Variants in ACVR1B observed in about 807,000 individuals in gnomAD.
ACVR1B encodes activin receptor type-1B.
Under a neutral mutation model 55.6 loss-of-function variants are expected in ACVR1B, and 15 were observed. The observed-to-expected ratio is 0.27, with a 90% CI of 0.18 to 0.42. The LOEUF is 0.42. Ranked by LOEUF, ACVR1B falls within the 10% of genes least tolerant of loss-of-function variation. The pLI is 1.00. For synonymous variants in ACVR1B, 247 were observed against 254.6 expected (o/e 0.97, Z 0.28); for missense variants, 359 against 670.1 (o/e 0.54, Z 5.13).
intron 1 of ACVR1B, among the ~76,000 whole-genome samples, chr12:51,971,125 CTTTTCT>C (rs1184335050): frequency 6.6e-6 from 1 of 152,172 alleles, no homozygotes. Context: ...AGTGGCCTGT[CTTTTCT>C]GAGTTCCAGC....
Position 51,994,395 on chromosome 12 carries a change from A to C in ACVR1B, c.*285A>C. ...CTGGTTGTAGTGGGAAGTCCCGCGA[A>C]ACCCGGTGCATCTGGCACGTGGCCA... On this transcript the variant is annotated 3_prime_UTR_variant, in exon 9 of 9. Coordinates refer to ENST00000257963, the MANE Select transcript of ACVR1B (RefSeq NM_004302.5). This position sits in a 1 kb window ranked among gnomAD's most constrained non-coding sequence, Gnocchi z 4.2. 2.8e-6 allele frequency: 1 copy of C among 357,588 alleles called. No individual in the cohort carries two copies. The highest frequency in any genetic ancestry group is 5.2e-6 in the Non-Finnish European group (1 of 193,272). 22.2% of individuals were successfully genotyped at this position (357,588 alleles called of 1,614,324 possible).
chr12:51,978,553 G>A (rs559279969), intron 3 of ACVR1B, among the ~76,000 whole-genome samples: 30 of 152,304 alleles, frequency 2.0e-4, no homozygotes, highest in Middle Eastern at 3.4e-3. Context: ...GACCCGGCCA[G>A]GCGCGGTGGC....
At chr12:51,989,681 C>T (rs1222304582) in intron 7 of ACVR1B, among the ~76,000 whole-genome samples, 2 of 152,058 alleles carry the variant, frequency 1.3e-5, no homozygotes, top group Admixed American at 1.3e-4. Flanking sequence ...GTGCTATTAC[C>T]ACACTTTAAA....
rs190661339 is a variant in ACVR1B at position 51,955,575 on chromosome 12, A to G, written c.91+3741A>G. Reference sequence around the variant, plus strand: ...TCTTAATTTTTGAAGGTTAAATTAGAATACTGAAGTGGCTCTTTATAATTT... The same window carrying G: ...TCTTAATTTTTGAAGGTTAAATTAGGATACTGAAGTGGCTCTTTATAATTT... On this transcript the variant is annotated intron_variant, in intron 1 of 8. Transcript: ENST00000257963. Among the ~76,000 whole-genome samples, 276 of 152,346 alleles carry G rather than the reference A, an allele frequency of 1.8e-3. 4 individuals are homozygous for G. The highest frequency in any genetic ancestry group is 6.3e-3 in the African/African-American group (262 of 41,580).
intron 6 of ACVR1B, 119 bp from the exon 7 acceptor site, chr12:51,986,699 C>A: frequency 7.2e-7 from 1 of 1,383,132 alleles, no homozygotes; most frequent in Non-Finnish European, 9.8e-7. Context: ...TCTTCTGCCC[C>A]AAGGGACTTT....
chr12:51,994,169 T>C lies in ACVR1B; in HGVS notation c.*59T>C. On this transcript the variant is annotated 3_prime_UTR_variant, in exon 9 of 9. Coordinates refer to ENST00000257963, the MANE Select transcript of ACVR1B (RefSeq NM_004302.5). This position sits in a 1 kb window ranked among gnomAD's most constrained non-coding sequence, Gnocchi z 4.2. Reference sequence around the variant, plus strand: ...CGAGAACTACGCACAGCTGCCGCGTTGAGCGTACGATGGAGGCCTACCTCT... The same window carrying C: ...CGAGAACTACGCACAGCTGCCGCGTCGAGCGTACGATGGAGGCCTACCTCT... 6.3e-7 allele frequency: 1 copy of C among 1,595,444 alleles called. No individual in the cohort carries two copies. The highest frequency in any genetic ancestry group is 8.5e-7 in the Non-Finnish European group (1 of 1,174,652).
chr12:51,989,349 A>G (rs1002919985), intron 7 of ACVR1B, among the ~76,000 whole-genome samples: 5 of 152,006 alleles, frequency 3.3e-5, no homozygotes, highest in Non-Finnish European at 7.4e-5. Flanking sequence ...CCATGGCACA[A>G]TCTTAGCTCA....
intron 1 of ACVR1B, among the ~76,000 whole-genome samples, chr12:51,960,863 C>T (rs1010266464): frequency 6.6e-6 from 1 of 152,208 alleles, no homozygotes; most frequent in Non-Finnish European, 1.5e-5. Context: ...CTTCTAGGAT[C>T]AACTCTAGAC....
chr12:51,987,417 A>G, intron 7 of ACVR1B: 1 of 395,484 alleles, frequency 2.5e-6, no homozygotes, highest in Non-Finnish European at 4.5e-6. Flanking sequence ...TTTTTCTCCC[A>G]TAGTTAAAAA....
At position 51,951,755 on chromosome 12, in the gene ACVR1B, G is replaced by T; in HGVS notation, c.12G>T (p.Ser4=). The T allele has an allele frequency of 7.8e-7, 1 of 1,277,574 alleles. No homozygotes were observed. Among genetic ancestry groups the T allele is most frequent in the Non-Finnish European group, 1.0e-6 (1 of 1,003,470 alleles). 79.1% of individuals were successfully genotyped at this position (1,277,574 alleles called of 1,614,324 possible). A position where few individuals can be genotyped will look rare whatever the true frequency, so the allele number is the denominator to read the frequency against. The stretch of plus-strand genomic sequence containing the variant: ...CGGCGGTGGTTACTATGGCGGAGTC[G>T]GCCGGAGCCTCCTCCTTCTTCCCCC... MAE[S]AGASSFFPLV... The change falls in exon 1 of 9, where the codon TCG becomes TCT. Residue 4 remains serine (S), a synonymous_variant. Coordinates refer to ENST00000257963, the MANE Select transcript of ACVR1B (RefSeq NM_004302.5).
chr12:51,972,338 A>G (rs185743387), intron 1 of ACVR1B, among the ~76,000 whole-genome samples: 101 of 152,350 alleles, frequency 6.6e-4, no homozygotes, highest in South Asian at 1.0e-3. Flanking sequence ...GAGGGACCAC[A>G]CTGTTACATG....
intron 1 of ACVR1B, among the ~76,000 whole-genome samples, chr12:51,955,925 G>C (rs1941400314): frequency 6.6e-6 from 1 of 152,196 alleles, no homozygotes. Context: ...TCAGATACCT[G>C]CTCTGAGTTT....
At chr12:51,979,163 CAAAAA>C (rs1164099929) in intron 3 of ACVR1B, among the ~76,000 whole-genome samples, 1 of 57,106 alleles carries the variant, frequency 1.8e-5, no homozygotes, top group Non-Finnish European at 3.4e-5. Context: ...AGCTCCGTCT[CAAAAA>C]AAAAAAAAAA....
At chr12:51,981,763 CGGAGGTTGCAGTGAGCT>C (rs1360914638) in intron 4 of ACVR1B, among the ~76,000 whole-genome samples, 3 of 151,454 alleles carry the variant, frequency 2.0e-5, no homozygotes, top group Admixed American at 6.6e-5. Context: ...ACCCAGGAGG[CGGAGGTTGCAGTGAGCT>C]GGAGGTTGCA....
At chr12:51,970,725 A>G (rs1232261450) in intron 1 of ACVR1B, among the ~76,000 whole-genome samples, 2 of 152,138 alleles carry the variant, frequency 1.3e-5, no homozygotes, top group African/African-American at 2.4e-5. Context: ...GAAGCAGTTT[A>G]TGATCAAGTC....
chr12:51,953,301 A>G, intron 1 of ACVR1B: 2 of 983,652 alleles, frequency 2.0e-6, no homozygotes, highest in Admixed American at 6.1e-5. Flanking sequence ...TGGAATCTCA[A>G]AAACAAGTTC....
chr12:51,958,366 G>T (rs1467894202), intron 1 of ACVR1B, among the ~76,000 whole-genome samples: 1 of 152,076 alleles, frequency 6.6e-6, no homozygotes, highest in Non-Finnish European at 1.5e-5. Flanking sequence ...ATATGATTTT[G>T]GGATGAAACT....
chr12:51,957,540 G>A (rs928788021), intron 1 of ACVR1B, among the ~76,000 whole-genome samples: 9 of 151,844 alleles, frequency 5.9e-5, no homozygotes, highest in African/African-American at 2.2e-4. Flanking sequence ...CAAGTGGCTA[G>A]GATCACACGC....
chr12:51,980,144 C>T (rs567201062), intron 3 of ACVR1B, among the ~76,000 whole-genome samples: 5 of 152,096 alleles, frequency 3.3e-5, no homozygotes, highest in Non-Finnish European at 5.9e-5. Flanking sequence ...ATGATAACAG[C>T]GCCTTACCTT....
Sources: gnomAD v4.1 joint callset for allele counts (sites outside exome capture counted in the v4.1 genomes callset) on GRCh38, gnomAD v4.1.1 for gene constraint, Gnocchi (gnomAD v3.1) non-coding constraint, MANE v1.5 for transcripts, NCBI Gene and HGNC (gene_info 2026-07-23, HGNC 2026-07-21) for gene names.